Variants in TACC1 observed in about 807,000 individuals in gnomAD.
The protein encoded by TACC1 is transforming acidic coiled-coil-containing protein 1.
In TACC1, 48 loss-of-function variants were observed where a neutral mutation model predicts 84.4. The observed-to-expected ratio is 0.57, with a 90% confidence interval of 0.45 to 0.72. The LOEUF is 0.72. Ranked by LOEUF, TACC1 falls within the 30% of genes least tolerant of loss-of-function variation. The pLI, the probability that TACC1 is intolerant of heterozygous loss-of-function variation, is 0.00. For synonymous variants in TACC1, 372 were observed against 376.3 expected, an observed-to-expected ratio of 0.99 and a Z score of 0.13; for missense variants, 920 against 973.0, an observed-to-expected ratio of 0.95 and a Z score of 0.72.
chr8:38,760,709 A>G (rs1394434641), intron 3 of TACC1, among the ~76,000 whole-genome samples: 3 of 151,872 alleles, frequency 2.0e-5, no homozygotes, highest in Admixed American at 2.0e-4. Context: ...TTTAGTAGAG[A>G]TGGGATTTTG....
At position 38,851,971 on chromosome 8, in the gene TACC1, A is replaced by T. The variant is rs1040043080; in HGVS notation, c.*3948A>T. ...AGATTCCAGTTATTTTTAAAAAGCA[A>T]CTTACCACTAAATCCTTGAGTCTCC... is the stretch of plus-strand genomic sequence containing the variant. On this transcript the variant is annotated 3_prime_UTR_variant, in exon 13 of 13. Transcript: ENST00000317827. 4.4e-6 allele frequency: 2 copies of T among 456,316 alleles called. No homozygotes were observed. Among genetic ancestry groups the T allele is most frequent in the African/African-American group, 4.0e-5 (2 of 50,070 alleles). 28.3% of individuals were successfully genotyped at this position (456,316 alleles called of 1,614,324 possible). A position where few individuals can be genotyped will look rare whatever the true frequency, so the allele number is the denominator to read the frequency against.
chr8:38,729,021 T>A (rs1804386092), intron 1 of TACC1, among the ~76,000 whole-genome samples: 1 of 152,214 alleles, frequency 6.6e-6, no homozygotes, highest in East Asian at 1.9e-4. Flanking sequence ...TCTCTTCTCT[T>A]CTTTTTTCTT....
chr8:38,823,847 A>G (rs991224837), intron 3 of TACC1: 2 of 507,658 alleles, frequency 3.9e-6, no homozygotes, highest in Non-Finnish European at 7.1e-6. Context: ...TGAATACGAC[A>G]TTTTTAATTT....
At chr8:38,738,786 G>A (rs542278588) in intron 1 of TACC1, among the ~76,000 whole-genome samples, 49 of 152,204 alleles carry the variant, frequency 3.2e-4, no homozygotes, top group African/African-American at 1.2e-3. Flanking sequence ...GTTGGTGCAT[G>A]GTGTTGAAAA....
At chr8:38,788,181 CA>C (rs1260309037) in intron 1 of TACC1, 1 of 179,472 alleles carries the variant, frequency 5.6e-6, no homozygotes, top group African/African-American at 2.4e-5. Flanking sequence ...CGCGTGATGA[CA>C]GGCCCCTGGC....
At chr8:38,763,171 C>A (rs1461364918) in intron 3 of TACC1, among the ~76,000 whole-genome samples, 3 of 151,936 alleles carry the variant, frequency 2.0e-5, no homozygotes, top group African/African-American at 7.3e-5. Context: ...TTGTTTTAGA[C>A]AAGAGTCTAG....
chr8:38,780,688 T>G (rs993511983), intron 3 of TACC1, among the ~76,000 whole-genome samples: 1 of 152,186 alleles, frequency 6.6e-6, no homozygotes, highest in Non-Finnish European at 1.5e-5. Context: ...AGATAAACTT[T>G]TAAACATTAT....
At chr8:38,734,295 C>T (rs112971851) in intron 1 of TACC1, among the ~76,000 whole-genome samples, 9 of 152,248 alleles carry the variant, frequency 5.9e-5, no homozygotes, top group African/African-American at 1.7e-4. Context: ...CAGGTTCAAG[C>T]GATTCTCCTG....
chr8:38,805,674 CTTGGTTGG>C (rs796102893), intron 2 of TACC1: 3 of 152,208 alleles, frequency 2.0e-5, no homozygotes, highest in East Asian at 1.9e-4. Context: ...TGGTTGGTTG[CTTGGTTGG>C]TTGGTTGGTT....
At chr8:38,783,996 T>C (rs1298795214), upstream of TACC1, among the ~76,000 whole-genome samples, 1 of 152,226 alleles carries the variant, frequency 6.6e-6, no homozygotes, top group Non-Finnish European at 1.5e-5. Context: ...TTAGACATCA[T>C]CATGCCCTTG....
chr8:38,774,702 G>T, intron 3 of TACC1, among the ~76,000 whole-genome samples: 1 of 151,964 alleles, frequency 6.6e-6, no homozygotes. Context: ...GTCTCACTAT[G>T]TTGCCTAGGC....
chr8:38,827,504 C>T (rs1828365391), intron 5 of TACC1, 129 bp downstream of exon 5: 2 of 940,882 alleles, frequency 2.1e-6, no homozygotes, highest in Admixed American at 5.2e-5. Context: ...AGGATGCTGA[C>T]CTATGCTTTG....
chr8:38,784,378 C>T (rs1308399875), upstream of TACC1, among the ~76,000 whole-genome samples: 2 of 151,984 alleles, frequency 1.3e-5, no homozygotes, highest in Admixed American at 6.6e-5. Context: ...CCAGCCTGGC[C>T]AACATGATGA....
At chr8:38,829,740 T>A (rs923964217) in intron 5 of TACC1, among the ~76,000 whole-genome samples, 1 of 152,242 alleles carries the variant, frequency 6.6e-6, no homozygotes, top group Non-Finnish European at 1.5e-5. Context: ...GCTGGGGCCC[T>A]GTACATACAG....
In TACC1 at chr8:38,849,228, A is replaced by G. The variant is rs1564019746; in HGVS notation, c.*1205A>G. 6.6e-6 allele frequency: 1 copy of G among 152,220 alleles called. No homozygotes were observed. Among genetic ancestry groups the G allele is most frequent in the Non-Finnish European group, 1.5e-5 (1 of 68,032 alleles). The allele number at this position is 152,220 out of a possible 1,614,324, so 9.4% of individuals were successfully genotyped here. ...CTCCAAAAATCAGTGCATTTTGCAT[A>G]TTTTTAAACAAAGACAGCTTGTTGA... On this transcript the variant is annotated 3_prime_UTR_variant, in exon 13 of 13. Coordinates refer to ENST00000317827, the MANE Select transcript of TACC1 (RefSeq NM_006283.3).
rs1003962159 is a variant in TACC1, at chr8:38,852,659, T to G, written c.*4636T>G. 1.3e-5 allele frequency: 2 copies of G among 152,698 alleles called. No individual in the cohort carries two copies. Among genetic ancestry groups the G allele is most frequent in the Non-Finnish European group, 2.9e-5 (2 of 68,058 alleles). 9.5% of individuals were successfully genotyped at this position (152,698 alleles called of 1,614,324 possible). On this transcript the variant is annotated 3_prime_UTR_variant, in exon 13 of 13. Coordinates refer to ENST00000317827, the MANE Select transcript of TACC1 (RefSeq NM_006283.3). ...CGTCGGGATAGGATCCAGGCATTTC[T>G]TTTAAATCTCAGAGGTAGCAGTAAA... is the stretch of plus-strand genomic sequence containing the variant.
At chr8:38,827,147 C>T (rs778308095) in intron 4 of TACC1, 21 bp from the exon 5 acceptor site, 3 of 1,607,522 alleles carry the variant, frequency 1.9e-6, no homozygotes, top group Non-Finnish European at 2.6e-6. Context: ...AGGGTAGCAT[C>T]TTCTCTGTTG....
intron 5 of TACC1, among the ~76,000 whole-genome samples, chr8:38,829,921 G>T (rs896851157): frequency 6.6e-6 from 1 of 152,156 alleles, no homozygotes; most frequent in Non-Finnish European, 1.5e-5. Context: ...TCCCCTTGAA[G>T]CTGGGTCCTG....
chr8:38,835,192 T>C (rs1224212716), intron 6 of TACC1, among the ~76,000 whole-genome samples: 4 of 150,548 alleles, frequency 2.7e-5, no homozygotes, highest in African/African-American at 7.4e-5. Context: ...AGGCGGAGCT[T>C]GCAGCGAGCC....
Sources: allele counts gnomAD v4.1 joint callset (sites outside exome capture counted in the v4.1 genomes callset), GRCh38; gene constraint gnomAD v4.1.1; transcripts MANE v1.5; gene names NCBI Gene and HGNC (gene_info 2026-07-23, HGNC 2026-07-21).